Variants in PTPRD observed in about 807,000 individuals in gnomAD.
The protein encoded by PTPRD is receptor-type tyrosine-protein phosphatase delta.
A neutral mutation model predicts 214.5 loss-of-function variants in PTPRD; 34 were observed. The observed-to-expected ratio is 0.16, with a 90% CI of 0.12 to 0.21. The LOEUF is 0.21. PTPRD is among the 10% of genes least tolerant of loss of function. The pLI, the probability that PTPRD is intolerant of heterozygous loss-of-function variation, is 1.00. For synonymous variants in PTPRD, 1,128 were observed against 845.7 expected, an observed-to-expected ratio of 1.33 and a Z score of -5.79; for missense variants, 2,545 against 2,398.7, an observed-to-expected ratio of 1.06 and a Z score of -1.27.
At chr9:8,571,971 G>T (rs1167622661) in intron 14 of PTPRD, among the ~76,000 whole-genome samples, 4 of 152,080 alleles carry the variant, frequency 2.6e-5, no homozygotes, top group Non-Finnish European at 5.9e-5. Flanking sequence ...AACTGTGAAA[G>T]AATTAAAGTT....
At chr9:8,679,583 T>G (rs2097509883) in intron 12 of PTPRD, among the ~76,000 whole-genome samples, 1 of 152,212 alleles carries the variant, frequency 6.6e-6, no homozygotes, top group African/African-American at 2.4e-5. Context: ...TAAATTATCT[T>G]TTAAAAGATT....
At chr9:10,027,497 T>A (rs2154126630) in intron 4 of PTPRD, among the ~76,000 whole-genome samples, 1 of 152,284 alleles carries the variant, frequency 6.6e-6, no homozygotes, top group East Asian at 1.9e-4. Context: ...CAAAACATGA[T>A]TAATATTTGG....
intron 4 of PTPRD, among the ~76,000 whole-genome samples, chr9:9,972,567 A>G (rs551325580): frequency 7.9e-5 from 12 of 152,318 alleles, no homozygotes; most frequent in African/African-American, 2.9e-4. Flanking sequence ...ATAATACATT[A>G]TATACACATT....
chr9:9,996,437 C>A (rs545994621), intron 4 of PTPRD, among the ~76,000 whole-genome samples: 1 of 152,238 alleles, frequency 6.6e-6, no homozygotes, highest in African/African-American at 2.4e-5. Flanking sequence ...AATGAGATGT[C>A]CATAGAGAGC....
intron 21 of PTPRD, among the ~76,000 whole-genome samples, chr9:8,509,167 T>C (rs1364616805): frequency 6.6e-6 from 1 of 151,808 alleles, no homozygotes; most frequent in Admixed American, 6.6e-5. Flanking sequence ...CGAAAGAAGA[T>C]AAAAGATTGA....
At chr9:9,484,856 A>G (rs2095562857) in intron 8 of PTPRD, among the ~76,000 whole-genome samples, 1 of 152,176 alleles carries the variant, frequency 6.6e-6, no homozygotes, top group African/African-American at 2.4e-5. Context: ...TTTATTTTGT[A>G]GAGAAGCTTC....
intron 4 of PTPRD, among the ~76,000 whole-genome samples, chr9:9,998,129 A>AAAAAAAAAAAAATATATATAT (rs57991748): frequency 1.1e-5 from 1 of 91,496 alleles, no homozygotes; most frequent in Non-Finnish European, 2.0e-5. Context: ...AAAAAAAAAA[A>AAAAAAAAAAAAATATATATAT]ATATATATAT....
intron 14 of PTPRD, among the ~76,000 whole-genome samples, chr9:8,539,361 C>T (rs1211615438): frequency 3.9e-5 from 6 of 151,938 alleles, no homozygotes; most frequent in Non-Finnish European, 7.4e-5. Flanking sequence ...CCTTATGCTG[C>T]TGCTGATGCC....
intron 3 of PTPRD, among the ~76,000 whole-genome samples, chr9:10,118,450 A>G (rs2098748849): frequency 6.6e-6 from 1 of 151,774 alleles, no homozygotes; most frequent in Admixed American, 6.6e-5. Context: ...AAAAAATAAA[A>G]TAACAAGCCC....
At chr9:8,501,123 A>T in intron 23 of PTPRD, 64 bp from the exon 24 acceptor site, 3 of 1,275,062 alleles carry the variant, frequency 2.4e-6, no homozygotes, top group Non-Finnish European at 3.2e-6. Flanking sequence ...GAAAAAAAAA[A>T]TGATAAAACA....
chr9:9,694,560 G>A (rs976682532), intron 7 of PTPRD, among the ~76,000 whole-genome samples: 3 of 151,950 alleles, frequency 2.0e-5, no homozygotes, highest in African/African-American at 4.8e-5. Context: ...TCAGGATTGC[G>A]AGTTCCAGGA....
intron 3 of PTPRD, among the ~76,000 whole-genome samples, chr9:10,228,701 T>C (rs937381363): frequency 2.7e-5 from 4 of 150,312 alleles, no homozygotes; most frequent in Non-Finnish European, 4.4e-5. Context: ...AATAAAGCTA[T>C]TGATAGAATA....
intron 8 of PTPRD, among the ~76,000 whole-genome samples, chr9:9,399,138 C>G (rs1272442785): frequency 6.6e-6 from 1 of 151,970 alleles, no homozygotes; most frequent in Non-Finnish European, 1.5e-5. Flanking sequence ...AAGAACTTTT[C>G]TTACTGTTTC....
intron 5 of PTPRD, chr9:9,799,546 A>C (rs989564639): frequency 6.6e-6 from 1 of 152,194 alleles, no homozygotes; most frequent in Non-Finnish European, 1.5e-5. Flanking sequence ...GGGGGCAGAT[A>C]AGGAAGAGTC....
intron 12 of PTPRD, among the ~76,000 whole-genome samples, chr9:8,637,096 C>T (rs1220060014): frequency 1.3e-5 from 2 of 152,178 alleles, no homozygotes; most frequent in Non-Finnish European, 2.9e-5. Context: ...AGGTAGAGAT[C>T]CAATAACATC....
At chr9:8,333,189 C>A (rs987592830) in intron 43 of PTPRD, among the ~76,000 whole-genome samples, 1 of 152,092 alleles carries the variant, frequency 6.6e-6, no homozygotes, top group African/African-American at 2.4e-5. Flanking sequence ...TGGATGGTTA[C>A]CATGGAAGCA....
chr9:10,432,556 T>C (rs184446489), intron 2 of PTPRD, among the ~76,000 whole-genome samples: 1 of 151,986 alleles, frequency 6.6e-6, no homozygotes, highest in Non-Finnish European at 1.5e-5. Context: ...TCTTAACACC[T>C]GTCACATTCT....
intron 3 of PTPRD, among the ~76,000 whole-genome samples, chr9:10,332,199 T>TTCTGGA (rs1452968037): frequency 5.9e-5 from 9 of 151,884 alleles, no homozygotes; most frequent in Non-Finnish European, 1.2e-4. Flanking sequence ...CCAGAATGTC[T>TTCTGGA]TAGGAGAAAG....
chr9:8,879,865 G>A (rs72704351), intron 11 of PTPRD, among the ~76,000 whole-genome samples: 4,096 of 152,188 alleles, frequency 0.027, 85 homozygotes, highest in Non-Finnish European at 0.039. Context: ...CACCCCACAC[G>A]TGTTTCTAGG....
Sources: gnomAD v4.1 joint callset for allele counts (sites outside exome capture counted in the v4.1 genomes callset) on GRCh38, gnomAD v4.1.1 for gene constraint, MANE v1.5 for transcripts, NCBI Gene and HGNC (gene_info 2026-07-23, HGNC 2026-07-21) for gene names.